The following TCERG1L variants were observed in gnomAD, a reference collection of about 807,000 sequenced individuals.
The protein encoded by TCERG1L is transcription elongation regulator 1-like protein.
TCERG1L carries 37 observed loss-of-function variants against 56.3 expected under a neutral mutation model. That is an observed-to-expected ratio of 0.66 (90% CI 0.51 to 0.87). TCERG1L has a LOEUF of 0.87. Among genes scored for constraint, TCERG1L ranks in the 40% least tolerant of loss-of-function variants. TCERG1L has a pLI of 0.00. For missense variants in TCERG1L, 799 were observed against 774.2 expected (o/e 1.03, Z -0.38); for synonymous variants, 324 against 326.3 (o/e 0.99, Z 0.08).
intron 4 of TCERG1L, among the ~76,000 whole-genome samples, chr10:131,197,008 A>T (rs1234545813): frequency 1.3e-5 from 2 of 152,154 alleles, no homozygotes; most frequent in African/African-American, 4.8e-5. Flanking sequence ...CCAGGGAATC[A>T]GAAGGAGAGG....
At chr10:131,102,830 C>T (rs1456075914) in intron 10 of TCERG1L, among the ~76,000 whole-genome samples, 5 of 152,116 alleles carry the variant, frequency 3.3e-5, no homozygotes, top group South Asian at 2.1e-4. Flanking sequence ...AGGCTGTGCT[C>T]GCTGATGCCG....
chr10:131,266,165 G>A (rs867397042), intron 3 of TCERG1L, among the ~76,000 whole-genome samples: 1 of 152,142 alleles, frequency 6.6e-6, no homozygotes, highest in Non-Finnish European at 1.5e-5. Context: ...CTCCTTATGC[G>A]TTAAAGTTGT....
At chr10:131,236,056 A>G (rs934097715) in intron 4 of TCERG1L, among the ~76,000 whole-genome samples, 3 of 152,232 alleles carry the variant, frequency 2.0e-5, no homozygotes, top group Admixed American at 2.0e-4. Flanking sequence ...TGTGTGTGCC[A>G]GGCAGTGAGT....
rs567878591 is a variant in TCERG1L at position 131,215,927 on chromosome 10, G to A, written c.856+44332C>T. 5.3e-5 allele frequency among the ~76,000 whole-genome samples: 8 copies of A among 152,220 alleles called. No homozygotes were observed. In the South Asian group the frequency reaches 1.0e-3, roughly 20 times the overall value. On this transcript the variant is annotated intron_variant, in intron 4 of 11. Transcript: ENST00000368642. The stretch of plus-strand genomic sequence containing the variant: ...CAGCTTGCCACTTGTGCAGAAGCTC[G>A]AGTCTGAAGCAGAACTCACCCACGA...
intron 9 of TCERG1L, among the ~76,000 whole-genome samples, chr10:131,105,443 G>T (rs796132128): frequency 3.3e-4 from 50 of 152,190 alleles, no homozygotes; most frequent in African/African-American, 1.2e-3. Context: ...AATGTCCTGG[G>T]GGGGATACTC....
chr10:131,106,863 A>C (rs1031969198), intron 9 of TCERG1L, among the ~76,000 whole-genome samples: 2 of 152,166 alleles, frequency 1.3e-5, no homozygotes, highest in African/African-American at 4.8e-5. Flanking sequence ...GGCAATTTCT[A>C]TCTTTAACTG....
At chr10:131,255,206 G>C (rs1846154383) in intron 4 of TCERG1L, among the ~76,000 whole-genome samples, 1 of 152,160 alleles carries the variant, frequency 6.6e-6, no homozygotes, top group Non-Finnish European at 1.5e-5. Context: ...AGGGGACAAG[G>C]TGTTATATGA....
At chr10:131,213,734 C>A (rs1305702707) in intron 4 of TCERG1L, among the ~76,000 whole-genome samples, 1 of 152,364 alleles carries the variant, frequency 6.6e-6, no homozygotes, top group South Asian at 2.1e-4. Flanking sequence ...CCTGTGTTTG[C>A]TGAAGGGACT....
intron 3 of TCERG1L, among the ~76,000 whole-genome samples, chr10:131,288,269 A>G (rs1466290374): frequency 6.6e-6 from 1 of 152,230 alleles, no homozygotes; most frequent in East Asian, 1.9e-4. Flanking sequence ...TGTTCATCCT[A>G]CAACTTCAGA....
intron 8 of TCERG1L, 29 bp downstream of exon 8, chr10:131,134,350 A>C: frequency 1.3e-6 from 2 of 1,561,714 alleles, no homozygotes; most frequent in South Asian, 2.4e-5. Context: ...GTAGGGAAAG[A>C]TCTGCTGGGG....
At chr10:131,226,523 A>C (rs1245108787) in intron 4 of TCERG1L, among the ~76,000 whole-genome samples, 4 of 152,234 alleles carry the variant, frequency 2.6e-5, no homozygotes, top group Admixed American at 2.6e-4. Flanking sequence ...TCAGAACCAT[A>C]AAAATTAGGA....
chr10:131,163,572 C>G (rs751035711), intron 5 of TCERG1L, among the ~76,000 whole-genome samples: 25 of 152,154 alleles, frequency 1.6e-4, no homozygotes, highest in Admixed American at 6.5e-4. Context: ...GCTGACCCAG[C>G]GGTGGGAGTC....
In TCERG1L at chr10:131,260,042, C is replaced by T. The variant is rs572639602; in HGVS notation, c.856+217G>A. ...CACCTTGGCTTTACAGCAGGAAGTG[C>T]CAGGGTGGACCTGACAAGGTGGCTC... is the stretch of plus-strand genomic sequence containing the variant. On this transcript the variant is annotated intron_variant, in intron 4 of 11. Coordinates refer to ENST00000368642, the MANE Select transcript of TCERG1L (RefSeq NM_174937.4). This position sits in a 1 kb window ranked among gnomAD's most constrained non-coding sequence, Gnocchi z 5.8. Among the ~76,000 whole-genome samples the T allele has an allele frequency of 1.3e-5, 2 of 152,348 alleles. No individual in the cohort carries two copies. The highest frequency in any genetic ancestry group is 1.9e-4 in the East Asian group (1 of 5,164).
At chr10:131,218,893 T>A (rs1845701820) in intron 4 of TCERG1L, among the ~76,000 whole-genome samples, 1 of 151,892 alleles carries the variant, frequency 6.6e-6, no homozygotes, top group Admixed American at 6.6e-5. Context: ...TGACCTCTCC[T>A]CCTCCCTGGC....
chr10:131,193,878 G>A (rs900437614), intron 4 of TCERG1L, among the ~76,000 whole-genome samples: 3 of 152,120 alleles, frequency 2.0e-5, no homozygotes, highest in Non-Finnish European at 4.4e-5. Flanking sequence ...TATTAAAAAT[G>A]TGCTTATGAG....
Position 131,104,432 on chromosome 10 carries a change from AAAAAC to A in TCERG1L, c.1396-83_1396-79del. On this transcript the variant is annotated intron_variant, in intron 9 of 11. Coordinates refer to ENST00000368642, the MANE Select transcript of TCERG1L (RefSeq NM_174937.4). The stretch of plus-strand genomic sequence containing the variant: ...AGCCGCCCTGAAATGATCCACAGTT[AAAAAC>A]AAATGAACAACAAAAACCAGCATTA... 6 of 943,216 alleles carry A rather than the reference AAAAAC, an allele frequency of 6.4e-6. No individual in the cohort carries two copies. In the South Asian group the frequency reaches 8.6e-5, roughly 14 times the overall value. The allele number at this position is 943,216 out of a possible 1,614,324, so 58.4% of individuals were successfully genotyped here. A position where few individuals can be genotyped will look rare whatever the true frequency, so the allele number is the denominator to read the frequency against.
chr10:131,279,919 C>T (rs1294934463), intron 3 of TCERG1L, among the ~76,000 whole-genome samples: 1 of 152,174 alleles, frequency 6.6e-6, no homozygotes, highest in African/African-American at 2.4e-5. Flanking sequence ...GCAAATCCCA[C>T]AGGAGTGACA....
intron 3 of TCERG1L, among the ~76,000 whole-genome samples, chr10:131,261,163 A>G (rs1846234407): frequency 6.6e-6 from 1 of 152,208 alleles, no homozygotes; most frequent in African/African-American, 2.4e-5. Flanking sequence ...TCTGACATCA[A>G]TGGACGCATC....
chr10:131,275,082 G>T (rs908168204), intron 3 of TCERG1L, among the ~76,000 whole-genome samples: 1 of 152,156 alleles, frequency 6.6e-6, no homozygotes, highest in Admixed American at 6.5e-5. Context: ...AGCATTGAAG[G>T]GATGCAGCCA....
Sources: gnomAD v4.1 joint callset for allele counts (sites outside exome capture counted in the v4.1 genomes callset) on GRCh38, gnomAD v4.1.1 for gene constraint, Gnocchi (gnomAD v3.1) non-coding constraint, MANE v1.5 for transcripts, NCBI Gene and HGNC (gene_info 2026-07-23, HGNC 2026-07-21) for gene names.